ANKS3: variants seen among roughly 807,000 people sequenced by gnomAD.
The protein encoded by ANKS3 is ankyrin repeat and SAM domain-containing protein 3.
ANKS3 carries 62 observed loss-of-function variants against 80.7 expected under a neutral mutation model. The observed-to-expected ratio is 0.77, with a 90% confidence interval of 0.63 to 0.95. The LOEUF (loss-of-function observed/expected upper bound fraction) is 0.95. ANKS3 is among the 40% of genes least tolerant of loss of function. The pLI is 0.00. For synonymous variants in ANKS3, 489 were observed against 355.3 expected (o/e 1.38, Z -4.23); for missense variants, 1,150 against 883.6 (o/e 1.30, Z -3.82).
At chr16:4,710,892 G>A (rs1429591824) in intron 7 of ANKS3, among the ~76,000 whole-genome samples, 1 of 152,000 alleles carries the variant, frequency 6.6e-6, no homozygotes, top group Admixed American at 6.6e-5. Context: ...TCCCCCTCCC[G>A]GGTTCAAGTG....
At chr16:4,704,402 G>A (rs980482499) in intron 8 of ANKS3, among the ~76,000 whole-genome samples, 1 of 152,108 alleles carries the variant, frequency 6.6e-6, no homozygotes, top group East Asian at 1.9e-4. Context: ...CTATGAGTGG[G>A]TGACAGCCAT....
In ANKS3 at chr16:4,698,052, C is replaced by A. The variant is rs199507782; in HGVS notation, c.1735G>T (p.Ala579Ser). The A allele has an allele frequency of 1.2e-6, 2 of 1,608,578 alleles. No individual in the cohort carries two copies. The highest frequency in any genetic ancestry group is 2.2e-5 in the East Asian group (1 of 44,740). ...TGCCTCACTCGAGATGACAGCTCAG[C>A]TTGACAGGCTCTGCCAGACACAGAA... ...LVLDQLRACQ[A>S]ELSSRVRQDQ... Residue 579 changes from alanine to serine, a missense_variant, in exon 15 of 18, where the codon GCT (alanine) becomes TCT (serine). By Grantham distance (99) the Ala-to-Ser change is moderately conservative. Transcript: ENST00000304283.
At chr16:4,717,958 G>C (rs574040721) in intron 6 of ANKS3, among the ~76,000 whole-genome samples, 2 of 152,022 alleles carry the variant, frequency 1.3e-5, no homozygotes, top group African/African-American at 4.8e-5. Context: ...ACCACGCCCC[G>C]CTAATGGGGT....
intron 3 of ANKS3, among the ~76,000 whole-genome samples, chr16:4,728,982 G>C (rs112506156): frequency 6.6e-6 from 1 of 152,188 alleles, no homozygotes; most frequent in African/African-American, 2.4e-5. Context: ...TTGGCTCACT[G>C]GGAACTGGAA....
intron 6 of ANKS3, 92 bp from the exon 7 acceptor site, chr16:4,714,278 C>G: frequency 6.5e-7 from 1 of 1,537,042 alleles, no homozygotes; most frequent in Non-Finnish European, 8.8e-7. Flanking sequence ...AGGGCATATG[C>G]TGGTTTCTGA....
chr16:4,734,050 C>T lies in ANKS3; in HGVS notation c.-183G>A. ...CATAAAGAAAATGTGGGGGCTCGGTCCTCCAGTCACGCGGCGAGCAAGTGC... is the reference window on the plus strand; with the variant it reads ...CATAAAGAAAATGTGGGGGCTCGGTTCTCCAGTCACGCGGCGAGCAAGTGC... On this transcript the variant is annotated 5_prime_UTR_variant, in exon 1 of 18. Transcript: ENST00000304283. 1.0e-6 allele frequency: 1 copy of T among 981,500 alleles called. No individual in the cohort carries two copies. The highest frequency in any genetic ancestry group is 1.2e-6 in the Non-Finnish European group (1 of 826,258). 60.8% of individuals were successfully genotyped at this position (981,500 alleles called of 1,614,324 possible).
rs1040398730 is a variant in ANKS3, at chr16:4,708,854, G to A, written c.710-3601C>T. 3.3e-5 allele frequency among the ~76,000 whole-genome samples: 5 copies of A among 151,738 alleles called. 1 individual carries two copies. The South Asian group carries it at 8.3e-4, about 25-fold the overall frequency. ...CTCAAAAGGCTGAGGCAGGAGAATC[G>A]CTTGAACCTGGGAGGCGGGGGTTGC... On this transcript the variant is annotated intron_variant, in intron 7 of 17. Transcript: ENST00000304283.
In ANKS3 at chr16:4,727,196, T is replaced by C. The variant is rs118150980; in HGVS notation, c.171-19A>G. The C allele has an allele frequency of 0.026, 42,486 of 1,612,440 alleles. 692 individuals carry two copies. Among genetic ancestry groups the C allele is most frequent in the Non-Finnish European group, 0.031 (36,857 of 1,179,266 alleles). ...CTCTCTCCTAAACAAACGCAAGATA[T>C]GCTAGACATGGCCAGCCGCCTCGCA... On this transcript the variant is annotated intron_variant, in intron 3 of 17. Coordinates refer to ENST00000304283, the MANE Select transcript of ANKS3 (RefSeq NM_133450.4).
rs113299311 is a variant in ANKS3 at position 4,728,791 on chromosome 16, C to T, written c.170+1189G>A. On this transcript the variant is annotated intron_variant, in intron 3 of 17. Coordinates refer to ENST00000304283, the MANE Select transcript of ANKS3 (RefSeq NM_133450.4). ...GACTTAAGAGCCTGAGAATTCCAAA[C>T]GTGACCCTTTGAGGGGCCGTACTGA... 5.0e-3 allele frequency among the ~76,000 whole-genome samples: 764 copies of T among 152,324 alleles called. 9 individuals are homozygous for T. Among genetic ancestry groups the T allele is most frequent in the African/African-American group, 0.017 (727 of 41,564 alleles).
chr16:4,715,079 G>A (rs1049653774), intron 6 of ANKS3, among the ~76,000 whole-genome samples: 1 of 151,656 alleles, frequency 6.6e-6, no homozygotes, highest in Non-Finnish European at 1.5e-5. Context: ...GAATGCTCAG[G>A]GGGATAAGCA....
rs571461861 is a variant in ANKS3 at position 4,719,691 on chromosome 16, G to A, written c.573+5059C>T. Among the ~76,000 whole-genome samples the A allele has an allele frequency of 7.5e-4, 114 of 151,620 alleles. 1 individual carries two copies. The highest frequency in any genetic ancestry group is 1.3e-3 in the Non-Finnish European group (90 of 67,888). On this transcript the variant is annotated intron_variant, in intron 6 of 17. Transcript: ENST00000304283. The stretch of plus-strand genomic sequence containing the variant: ...GTGCGTGCCTGTAGTCCCAGCTACT[G>A]AGGAGGCTGAGGCAGAAGGATTACT...
chr16:4,713,115 C>A (rs1209850068), intron 7 of ANKS3, among the ~76,000 whole-genome samples: 2 of 151,854 alleles, frequency 1.3e-5, no homozygotes, highest in African/African-American at 4.8e-5. Flanking sequence ...ACTGAAAATA[C>A]AAAAAATTAG....
In ANKS3 at chr16:4,732,692, A is replaced by C. The variant is rs559222049; in HGVS notation, c.-70-1113T>G. Among the ~76,000 whole-genome samples, 188 of 151,328 alleles carry C rather than the reference A, an allele frequency of 1.2e-3. 3 individuals are homozygous for C. The highest frequency in any genetic ancestry group is 4.1e-3 in the African/African-American group (170 of 41,250). On this transcript the variant is annotated intron_variant, in intron 1 of 17. Coordinates refer to ENST00000304283, the MANE Select transcript of ANKS3 (RefSeq NM_133450.4). The stretch of plus-strand genomic sequence containing the variant: ...AAATTCTGTCTCAAAAAAAAAAACA[A>C]AAAAAAAACACTAAAGTGAAAACTA...
At chr16:4,729,921 G>C (rs1220668643) in intron 3 of ANKS3, 59 bp downstream of exon 3, 2 of 1,382,632 alleles carry the variant, frequency 1.4e-6, no homozygotes, top group African/African-American at 2.9e-5. Context: ...CATCACGTGG[G>C]ATCGAAGCCA....
chr16:4,728,346 G>T (rs929394959), intron 3 of ANKS3, among the ~76,000 whole-genome samples: 2 of 152,130 alleles, frequency 1.3e-5, no homozygotes, highest in Non-Finnish European at 2.9e-5. Context: ...GCCCAGCCGG[G>T]ATTCACATAT....
At position 4,696,735 on chromosome 16, in the gene ANKS3, C is replaced by T. The variant is rs1180576029; in HGVS notation, c.*173G>A. On this transcript the variant is annotated 3_prime_UTR_variant, in exon 18 of 18. Transcript: ENST00000304283. ...TCAGTGCTGGCCCGAGCTGCCGAGC[C>T]AGGGCCGCAGCCCCCGTCTTGCCTC... is the stretch of plus-strand genomic sequence containing the variant. 2 of 508,686 alleles carry T rather than the reference C, an allele frequency of 3.9e-6. No homozygotes were observed. The highest frequency in any genetic ancestry group is 3.5e-5 in the East Asian group (1 of 28,426). The allele number at this position is 508,686 out of a possible 1,614,324, so 31.5% of individuals were successfully genotyped here.
chr16:4,723,396 T>C (rs1204300720), intron 6 of ANKS3, among the ~76,000 whole-genome samples: 1 of 152,242 alleles, frequency 6.6e-6, no homozygotes, highest in African/African-American at 2.4e-5. Flanking sequence ...CTGTTGTGTC[T>C]GGCTTCTTTC....
intron 6 of ANKS3, among the ~76,000 whole-genome samples, chr16:4,723,666 G>T (rs2081215063): frequency 6.6e-6 from 1 of 152,196 alleles, no homozygotes; most frequent in South Asian, 2.1e-4. Context: ...ATAATATCCT[G>T]CTATACAGAT....
In ANKS3 at chr16:4,702,169, G is replaced by C; in HGVS notation, c.942C>G (p.Cys314Trp). 1 of 1,594,002 alleles carries C rather than the reference G, an allele frequency of 6.3e-7. No homozygotes were observed. Among genetic ancestry groups the C allele is most frequent in the Non-Finnish European group, 8.5e-7 (1 of 1,171,330 alleles). ...TGATGGGGGAGGTGACATCCCGGCA[G>C]CAGAGGCCCTCTTCTTCCAGGGGGT... is the stretch of plus-strand genomic sequence containing the variant. The part of the protein sequence containing the change: ...GENPLEEEGL[C>W]CRDVTSPINE... Residue 314 changes from cysteine to tryptophan, a missense_variant, in exon 9 of 18, where the codon TGC becomes TGG. Transcript: ENST00000304283.
Sources: gnomAD v4.1 joint callset for allele counts (sites outside exome capture counted in the v4.1 genomes callset) on GRCh38, gnomAD v4.1.1 for gene constraint, MANE v1.5 for transcripts, NCBI Gene and HGNC (gene_info 2026-07-23, HGNC 2026-07-21) for gene names.